Variants in ZIM2 observed in about 807,000 individuals in gnomAD.
ZIM2 encodes the protein zinc finger protein 656.
In ZIM2, 14 loss-of-function variants were observed where a neutral mutation model predicts 38.6. The ratio of observed to expected loss-of-function variants is 0.36; its 90% CI spans 0.24 to 0.57. ZIM2 has a LOEUF of 0.57. Among genes scored for constraint, ZIM2 ranks in the 20% least tolerant of loss-of-function variants. ZIM2 has a pLI of 0.81. For synonymous variants in ZIM2, 247 were observed against 245.8 expected, an observed-to-expected ratio of 1.00 and a Z score of -0.04; for missense variants, 680 against 695.1, an observed-to-expected ratio of 0.98 and a Z score of 0.24.
At chr19:56,788,621 G>A (rs970082677) in intron 10 of ZIM2, among the ~76,000 whole-genome samples, 32 of 152,212 alleles carry the variant, frequency 2.1e-4, no homozygotes, top group African/African-American at 6.7e-4. Context: ...ATGATTATAT[G>A]TGTCTTGGAG....
At chr19:56,827,922 C>T (rs1237602592) in intron 2 of ZIM2, among the ~76,000 whole-genome samples, 1 of 152,130 alleles carries the variant, frequency 6.6e-6, no homozygotes, top group African/African-American at 2.4e-5. Context: ...ATCGCAATTG[C>T]CTCTGGGGAA....
chr19:56,811,267 A>G (rs1414167878), intron 9 of ZIM2: 16 of 932,826 alleles, frequency 1.7e-5, no homozygotes, highest in Non-Finnish European at 1.9e-5. Flanking sequence ...CAACACCACA[A>G]CAGCTTTTGA....
At chr19:56,810,939 A>G in intron 9 of ZIM2, 2 of 971,200 alleles carry the variant, frequency 2.1e-6, no homozygotes, top group South Asian at 9.5e-5. Flanking sequence ...GGAACATTTG[A>G]AAAAATTAAA....
chr19:56,775,306 G>A lies in ZIM2; in HGVS notation c.1059C>T (p.Ser353=), dbSNP rs770438215. 9.3e-6 allele frequency: 15 copies of A among 1,614,000 alleles called. No individual in the cohort carries two copies. Among genetic ancestry groups the A allele is most frequent in the African/African-American group, 4.0e-5 (3 of 74,892 alleles). The part of the protein sequence containing the change: ...PGICTSPQSA[S]QENKHNRCEF... ...CACATCTGTTGTGTTTGTTCTCTTG[G>A]GATGCTGACTGGGGACTCGTACATA... The change falls in exon 13 of 13, where the codon TCC becomes TCT. Residue 353 remains serine (S), a synonymous_variant. Coordinates refer to ENST00000629319, the MANE Select transcript of ZIM2 (RefSeq NM_001387356.1).
At chr19:56,811,970 C>T (rs1447337664) in intron 9 of ZIM2, 1 of 985,270 alleles carries the variant, frequency 1.0e-6, no homozygotes, top group Non-Finnish European at 1.2e-6. Flanking sequence ...TACAATCTTC[C>T]TAAACTTTGA....
chr19:56,779,808 AAG>A (rs1029513461), intron 11 of ZIM2, among the ~76,000 whole-genome samples: 73 of 141,894 alleles, frequency 5.1e-4, no homozygotes, highest in African/African-American at 1.8e-3. Context: ...GAAGACTAAA[AAG>A]GGGGCATGAG....
intron 3 of ZIM2, chr19:56,824,859 G>T: frequency 1.8e-6 from 1 of 554,202 alleles, no homozygotes; most frequent in Non-Finnish European, 3.2e-6. Flanking sequence ...CCAGTAAATA[G>T]GCAAACAACC....
intron 9 of ZIM2, chr19:56,816,340 C>T: frequency 1.2e-6 from 2 of 1,614,186 alleles, no homozygotes; most frequent in South Asian, 1.1e-5. Flanking sequence ...CTGATGCTCA[C>T]TGAGCTCTGA....
In ZIM2 at chr19:56,775,451, G is replaced by T. The variant is rs1286161008; in HGVS notation, c.914C>A (p.Pro305His). 3.1e-6 allele frequency: 5 copies of T among 1,613,964 alleles called. No individual in the cohort carries two copies. The highest frequency in any genetic ancestry group is 4.2e-6 in the Non-Finnish European group (5 of 1,180,008). The change falls in exon 13 of 13, where the codon CCC becomes CAC. Residue 305 changes from proline to histidine, a missense_variant. Coordinates refer to ENST00000629319, the MANE Select transcript of ZIM2 (RefSeq NM_001387356.1). ...KLLTPITMND[P>H]KTLTPERSYG... ...GCTTCTTTCCGGAGTGAGGGTCTTG[G>T]GGTCATTCATTGTTATAGGAGTCAA...
chr19:56,817,372 C>T (rs1011927730), intron 9 of ZIM2: 6 of 1,613,892 alleles, frequency 3.7e-6, no homozygotes, highest in South Asian at 1.1e-5. Flanking sequence ...CACTGACTCC[C>T]TCTTGTTCAA....
rs2059986809 is a variant in ZIM2 at position 56,816,450 on chromosome 19, T to C, written c.490+1296A>G. On this transcript the variant is annotated intron_variant, in intron 9 of 12. Coordinates refer to ENST00000629319, the MANE Select transcript of ZIM2 (RefSeq NM_001387356.1). ...TAAGGGACTGACCAGGAATAAAGGT[T>C]TCCTCACACACTTTACCCTTGTTTT... is the stretch of plus-strand genomic sequence containing the variant. 1.9e-6 allele frequency: 3 copies of C among 1,614,102 alleles called. No homozygotes were observed. In the East Asian group the frequency reaches 6.7e-5, roughly 36 times the overall value.
At chr19:56,812,290 A>T in intron 9 of ZIM2, 2 of 980,684 alleles carry the variant, frequency 2.0e-6, no homozygotes, top group Non-Finnish European at 2.4e-6. Context: ...AAAGAATACT[A>T]AGATTAGATG....
chr19:56,831,795 T>C (rs910417835), intron 2 of ZIM2, among the ~76,000 whole-genome samples: 1 of 152,242 alleles, frequency 6.6e-6, no homozygotes, highest in Non-Finnish European at 1.5e-5. Context: ...CCACACCCAC[T>C]GGTTAACTTT....
intron 9 of ZIM2, among the ~76,000 whole-genome samples, chr19:56,799,922 GAA>G (rs1346927579): frequency 6.6e-6 from 1 of 152,224 alleles, no homozygotes; most frequent in African/African-American, 2.4e-5. Flanking sequence ...CTGAGTGAAA[GAA>G]GAGTTACACA....
chr19:56,787,208 T>C (rs1382854083), intron 10 of ZIM2, among the ~76,000 whole-genome samples: 1 of 152,206 alleles, frequency 6.6e-6, no homozygotes, highest in Non-Finnish European at 1.5e-5. Context: ...TAAATGGTCA[T>C]TGTACTTTTT....
intron 2 of ZIM2, chr19:56,833,352 C>A: frequency 2.7e-6 from 1 of 368,400 alleles, no homozygotes. Flanking sequence ...TTACTCTCTT[C>A]GTCTCCCAGG....
chr19:56,814,943 T>C lies in ZIM2; in HGVS notation c.490+2803A>G, dbSNP rs751139005. The C allele has an allele frequency of 6.2e-7, 1 of 1,614,068 alleles. No individual in the cohort carries two copies. Among genetic ancestry groups the C allele is most frequent in the Non-Finnish European group, 8.5e-7 (1 of 1,180,006 alleles). On this transcript the variant is annotated intron_variant, in intron 9 of 12. Coordinates refer to ENST00000629319, the MANE Select transcript of ZIM2 (RefSeq NM_001387356.1). The surrounding 1 kb of genome is among the most constrained non-coding windows in gnomAD (Gnocchi z 5.8). The stretch of plus-strand genomic sequence containing the variant: ...CTATGAATAAAAGATTCCCCACACT[T>C]TGGACATTCATACAGCTGCTCTCCA...
At chr19:56,836,969 CAAAAAAAAAAAAAAAAAA>C (rs573566620) in intron 1 of ZIM2, among the ~76,000 whole-genome samples, 2,202 of 117,010 alleles carry the variant, frequency 0.019, 34 homozygotes, top group South Asian at 0.03. Flanking sequence ...GACTCTGTCT[CAAAAAAAAAAAAAAAAAA>C]AAAAAAAAAA....
chr19:56,797,625 C>T (rs1222088445), intron 9 of ZIM2, among the ~76,000 whole-genome samples: 2 of 152,148 alleles, frequency 1.3e-5, no homozygotes, highest in Non-Finnish European at 2.9e-5. Context: ...GTACCTCTTT[C>T]TTCTTCTCCT....
Sources: gnomAD v4.1 joint callset for allele counts (sites outside exome capture counted in the v4.1 genomes callset) on GRCh38, gnomAD v4.1.1 for gene constraint, Gnocchi (gnomAD v3.1) non-coding constraint, MANE v1.5 for transcripts, NCBI Gene and HGNC (gene_info 2026-07-23, HGNC 2026-07-21) for gene names.